The following ALDH1A1 variants were observed in gnomAD, a reference collection of about 807,000 sequenced individuals.
The protein encoded by ALDH1A1 is aldehyde dehydrogenase 1 family member A1.
Under a neutral mutation model 62.1 loss-of-function variants are expected in ALDH1A1, and 19 were observed. The ratio of observed to expected loss-of-function variants is 0.31; its 90% confidence interval spans 0.21 to 0.45. The LOEUF (loss-of-function observed/expected upper bound fraction) is 0.45. Among genes scored for constraint, ALDH1A1 ranks in the 20% least tolerant of loss-of-function variants. The pLI is 1.00. For missense variants in ALDH1A1, 521 were observed against 607.1 expected (o/e 0.86, Z 1.49); for synonymous variants, 231 against 215.9 (o/e 1.07, Z -0.61).
chr9:72,918,400 T>A (rs1049347412), intron 8 of ALDH1A1, among the ~76,000 whole-genome samples: 1 of 152,176 alleles, frequency 6.6e-6, no homozygotes, highest in Admixed American at 6.5e-5. Context: ...CTCAATGAAA[T>A]GCTAATAATC....
intron 12 of ALDH1A1, among the ~76,000 whole-genome samples, chr9:72,902,562 A>G (rs1335819188): frequency 1.3e-5 from 2 of 152,026 alleles, no homozygotes. Context: ...TTAAAAGATA[A>G]TATTTTAATA....
intron 1 of ALDH1A1, among the ~76,000 whole-genome samples, chr9:72,946,558 T>A (rs891858018): frequency 4.6e-5 from 7 of 151,998 alleles, no homozygotes; most frequent in African/African-American, 1.7e-4. Context: ...CATGTCAGCG[T>A]CAGGAAAACC....
Position 72,930,914 on chromosome 9 carries a change from C to T in ALDH1A1, c.277G>A (p.Ala93Thr). 1 of 1,614,046 alleles carries T rather than the reference C, an allele frequency of 6.2e-7. No homozygotes were observed. Among genetic ancestry groups the T allele is most frequent in the Non-Finnish European group, 8.5e-7 (1 of 1,179,970 alleles). ...SERGRLLYKL[A>T]DLIERDRLLL... ...AGACGATCTCTTTCGATTAAATCAG[C>T]CAACTTGTATAATAGTCGCCCCCTC... Residue 93 changes from alanine (A) to threonine (T), a missense_variant, in exon 3 of 13, where the codon GCT becomes ACT. Coordinates refer to ENST00000297785, the MANE Select transcript of ALDH1A1 (RefSeq NM_000689.5).
intron 1 of ALDH1A1, among the ~76,000 whole-genome samples, chr9:72,943,173 A>G (rs1181102532): frequency 1.3e-5 from 2 of 152,242 alleles, no homozygotes; most frequent in African/African-American, 4.8e-5. Flanking sequence ...ACCCTTCTAC[A>G]ATGTAATTTC....
In ALDH1A1 at chr9:72,927,347, C is replaced by A. The variant is rs559725926; in HGVS notation, c.443-170G>T. Among the ~76,000 whole-genome samples the A allele has an allele frequency of 1.2e-4, 18 of 152,190 alleles. No homozygotes were observed. The East Asian group carries it at 3.5e-3, about 29-fold the overall frequency. ...CAGCACTTTGGGAGGCCGAGGCAGG[C>A]AGATCACGAGGTCAAGAGATCGAGA... On this transcript the variant is annotated intron_variant, in intron 4 of 12. Coordinates refer to ENST00000297785, the MANE Select transcript of ALDH1A1 (RefSeq NM_000689.5).
At chr9:72,940,277 T>C (rs757066235) in intron 1 of ALDH1A1, 25 bp from the exon 2 acceptor site, 4 of 1,560,334 alleles carry the variant, frequency 2.6e-6, no homozygotes, top group South Asian at 1.1e-5. Context: ...AGAAAATACA[T>C]ACAAGGCGCT....
chr9:72,934,683 A>G (rs1434988091), intron 2 of ALDH1A1, among the ~76,000 whole-genome samples: 1 of 152,186 alleles, frequency 6.6e-6, no homozygotes, highest in Non-Finnish European at 1.5e-5. Context: ...ACCTTGCCAG[A>G]CTAGTCCAGC....
chr9:72,923,774 G>A lies in ALDH1A1; in HGVS notation c.747+245C>T, dbSNP rs187747403. 5.0e-4 allele frequency: 136 copies of A among 270,516 alleles called. 1 individual carries two copies. In the South Asian group the frequency reaches 6.8e-3, roughly 13 times the overall value. The allele number at this position is 270,516 out of a possible 1,614,324, so 16.8% of individuals were successfully genotyped here. ...CAAGGTCTCAGCAGCCATATTTCTC[G>A]TCAGAGAAAGTAATGAACATACTAA... On this transcript the variant is annotated intron_variant, in intron 7 of 12. Coordinates refer to ENST00000297785, the MANE Select transcript of ALDH1A1 (RefSeq NM_000689.5).
intron 12 of ALDH1A1, among the ~76,000 whole-genome samples, chr9:72,905,239 C>T (rs1164483244): frequency 6.6e-6 from 1 of 151,884 alleles, no homozygotes; most frequent in Non-Finnish European, 1.5e-5. Flanking sequence ...CTAAACTTGC[C>T]TAAACAAAAT....
In ALDH1A1 at chr9:72,930,893, G is replaced by T; in HGVS notation, c.298C>A (p.Arg100Ser). 1 of 1,613,934 alleles carries T rather than the reference G, an allele frequency of 6.2e-7. No homozygotes were observed. Among genetic ancestry groups the T allele is most frequent in the African/African-American group, 1.3e-5 (1 of 74,992 alleles). ...ATAATACTCACCGCCAGCAGCAGAC[G>T]ATCTCTTTCGATTAAATCAGCCAAC... ...YKLADLIERD[R>S]LLLATMESMN... is the part of the protein sequence containing the mutation. The change falls in exon 3 of 13, where the codon CGT becomes AGT. Residue 100 changes from arginine (R) to serine (S), a missense_variant. Arg to Ser is a moderately radical substitution (Grantham distance 110). Transcript: ENST00000297785.
chr9:72,905,142 G>A (rs774401717), intron 12 of ALDH1A1, among the ~76,000 whole-genome samples: 2 of 152,066 alleles, frequency 1.3e-5, no homozygotes, highest in Non-Finnish European at 2.9e-5. Context: ...TTTACGATCT[G>A]TGTTTGATAC....
At chr9:72,933,753 C>T (rs1382130750) in intron 2 of ALDH1A1, among the ~76,000 whole-genome samples, 3 of 152,010 alleles carry the variant, frequency 2.0e-5, no homozygotes, top group Non-Finnish European at 2.9e-5. Flanking sequence ...TTACTGTTGT[C>T]CTAGCAGTTA....
intron 11 of ALDH1A1, among the ~76,000 whole-genome samples, chr9:72,909,216 C>T (rs574018942): frequency 1.6e-5 from 2 of 121,710 alleles, no homozygotes; most frequent in Non-Finnish European, 3.2e-5. Flanking sequence ...GGCTAGAGTG[C>T]AATGGCATGA....
chr9:72,919,562 G>T (rs1830111089), intron 7 of ALDH1A1, among the ~76,000 whole-genome samples: 2 of 152,202 alleles, frequency 1.3e-5, no homozygotes, highest in Non-Finnish European at 2.9e-5. Flanking sequence ...GTCTGATCCA[G>T]ATTGTATTAT....
At chr9:72,908,605 AAGAAAGAAAGAAAGAAAGAAAG>A (rs57857377) in intron 11 of ALDH1A1, among the ~76,000 whole-genome samples, 306 of 140,658 alleles carry the variant, frequency 2.2e-3, no homozygotes, top group African/African-American at 5.3e-3. Context: ...GAAAGAAAGA[AAGAAAGAAAGAAAGAAAGAAAG>A]AGAATATTGC....
intron 1 of ALDH1A1, among the ~76,000 whole-genome samples, chr9:72,944,181 T>G (rs1339009355): frequency 6.6e-6 from 1 of 152,056 alleles, no homozygotes; most frequent in African/African-American, 2.4e-5. Context: ...GAATACTGAT[T>G]TTAAAGTATC....
At chr9:72,927,220 T>A in intron 4 of ALDH1A1, 43 bp from the exon 5 acceptor site, 1 of 1,421,760 alleles carries the variant, frequency 7.0e-7, no homozygotes, top group Non-Finnish European at 9.7e-7. Context: ...ACAAATGTAT[T>A]TGACATTCAC....
At position 72,918,813 on chromosome 9, in the gene ALDH1A1, A is replaced by G; in HGVS notation, c.757T>C (p.Leu253=). The change falls in exon 8 of 13, where the codon TTG becomes CTG. Residue 253 remains leucine, a synonymous_variant. Transcript: ENST00000297785. ...CTTTTCCCGGCAGCTTCTTTGATCA[A>G]CTTGCCAACCTGAAAGGGAGCATTA... ...AFTGSTEVGK[L]IKEAAGKSNL... The G allele has an allele frequency of 6.2e-7, 1 of 1,613,836 alleles. No homozygotes were observed. Among genetic ancestry groups the G allele is most frequent in the Non-Finnish European group, 8.5e-7 (1 of 1,179,784 alleles).
At chr9:72,908,588 AAAGAAAGAAAG>A (rs1217393295) in intron 11 of ALDH1A1, among the ~76,000 whole-genome samples, 1 of 140,280 alleles carries the variant, frequency 7.1e-6, no homozygotes, top group Non-Finnish European at 1.5e-5. Context: ...AGAAAGAAAG[AAAGAAAGAAAG>A]AAAGAAAGAA....
Sources: gnomAD v4.1 joint callset for allele counts (sites outside exome capture counted in the v4.1 genomes callset) on GRCh38, gnomAD v4.1.1 for gene constraint, MANE v1.5 for transcripts, NCBI Gene and HGNC (gene_info 2026-07-23, HGNC 2026-07-21) for gene names.